Variants in PDZRN3 observed in about 807,000 individuals in gnomAD.
PDZRN3 encodes E3 ubiquitin-protein ligase PDZRN3.
Under a neutral mutation model 85.7 loss-of-function variants are expected in PDZRN3, and 38 were observed. The ratio of observed to expected loss-of-function variants is 0.44; its 90% CI spans 0.34 to 0.58. PDZRN3 has a LOEUF of 0.58. Among genes scored for constraint, PDZRN3 ranks in the 20% least tolerant of loss-of-function variants. The probability of loss-of-function intolerance (pLI) is 0.01; values close to 1 mark genes in which losing one functional copy is unlikely to be tolerated. For missense variants in PDZRN3, 1,629 were observed against 1,506.4 expected (o/e 1.08, Z -1.35); for synonymous variants, 759 against 638.0 (o/e 1.19, Z -2.86).
chr3:73,481,652 A>G (rs1435417968), intron 3 of PDZRN3, among the ~76,000 whole-genome samples: 1 of 152,220 alleles, frequency 6.6e-6, no homozygotes, highest in South Asian at 2.1e-4. Flanking sequence ...TCTATCTCCT[A>G]TAAGACTGAA....
chr3:73,587,431 T>C (rs920904513), intron 3 of PDZRN3, among the ~76,000 whole-genome samples: 2 of 152,222 alleles, frequency 1.3e-5, no homozygotes, highest in Non-Finnish European at 2.9e-5. Flanking sequence ...GTTTGAGTCA[T>C]ACTTACATCT....
intron 3 of PDZRN3, among the ~76,000 whole-genome samples, chr3:73,406,660 G>A (rs1701860547): frequency 6.6e-6 from 1 of 152,190 alleles, no homozygotes; most frequent in East Asian, 1.9e-4. Flanking sequence ...TTTCGAGTGG[G>A]TGCTACAAGA....
chr3:73,385,625 A>G (rs1701361891), intron 9 of PDZRN3, 44 bp downstream of exon 9: 3 of 1,193,826 alleles, frequency 2.5e-6, no homozygotes, highest in Admixed American at 1.7e-5. Context: ...ATTTTCCTCC[A>G]GCTCAGCAGG....
intron 5 of PDZRN3, among the ~76,000 whole-genome samples, chr3:73,398,219 G>T (rs572559955): frequency 1.3e-5 from 2 of 152,324 alleles, no homozygotes; most frequent in Non-Finnish European, 2.9e-5. Context: ...GAGGGGCTCA[G>T]TCGTTCCTAG....
intron 3 of PDZRN3, among the ~76,000 whole-genome samples, chr3:73,578,239 A>G (rs1396947656): frequency 2.8e-5 from 4 of 145,204 alleles, no homozygotes; most frequent in Non-Finnish European, 4.5e-5. Context: ...GCACGATCTC[A>G]GCTCACTACA....
chr3:73,418,074 A>C (rs914748363), intron 3 of PDZRN3, among the ~76,000 whole-genome samples: 1 of 152,252 alleles, frequency 6.6e-6, no homozygotes, highest in African/African-American at 2.4e-5. Flanking sequence ...AATAATAATG[A>C]CATCCTAAGA....
chr3:73,614,930 C>G (rs1295527702), intron 1 of PDZRN3, among the ~76,000 whole-genome samples: 1 of 152,094 alleles, frequency 6.6e-6, no homozygotes, highest in Non-Finnish European at 1.5e-5. Flanking sequence ...TAAGAGGAAA[C>G]TGTTCCAAAG....
chr3:73,609,846 A>G (rs1337862239), intron 1 of PDZRN3, among the ~76,000 whole-genome samples: 1 of 152,222 alleles, frequency 6.6e-6, no homozygotes, highest in African/African-American at 2.4e-5. Context: ...GGCAAAGGAA[A>G]GTACTGTTTC....
rs190045508 is a variant in PDZRN3 at position 73,490,244 on chromosome 3, T to C, written c.919-85849A>G. Among the ~76,000 whole-genome samples the C allele has an allele frequency of 4.6e-5, 7 of 152,328 alleles. No homozygotes were observed. In the East Asian group the frequency reaches 5.8e-4, roughly 13 times the overall value. ...CCTTGGGCTTAAAGGGAGCACCCCATACAGAATGCTTGCTTGGCTGAAGTT... is the reference window on the plus strand; with the variant it reads ...CCTTGGGCTTAAAGGGAGCACCCCACACAGAATGCTTGCTTGGCTGAAGTT... On this transcript the variant is annotated intron_variant, in intron 3 of 9. Transcript: ENST00000263666.
intron 5 of PDZRN3, among the ~76,000 whole-genome samples, chr3:73,394,517 GTGGTCTGTGTTATCAAAGGAT>G (rs1303710143): frequency 3.9e-5 from 6 of 152,302 alleles, no homozygotes; most frequent in African/African-American, 1.4e-4. Context: ...TATCTTAGAA[GTGGTCTGTGTTATCAAAGGAT>G]GAGTGATATT....
In PDZRN3 at chr3:73,624,937, G is replaced by C; in HGVS notation, c.-112C>G. On this transcript the variant is annotated 5_prime_UTR_variant, in exon 1 of 10. Transcript: ENST00000263666. ...GCCCGCGCGCTCGCTGGCTCTCCCCGGACTGAGCCTAATTGATCCAGACTT... is the reference window on the plus strand; with the variant it reads ...GCCCGCGCGCTCGCTGGCTCTCCCCCGACTGAGCCTAATTGATCCAGACTT... The C allele has an allele frequency of 1.3e-6, 1 of 798,532 alleles. No homozygotes were observed. The allele number at this position is 798,532 out of a possible 1,614,324, so 49.5% of individuals were successfully genotyped here. A position where few individuals can be genotyped will look rare whatever the true frequency, so the allele number is the denominator to read the frequency against.
chr3:73,453,101 G>A (rs1409827623), intron 3 of PDZRN3, among the ~76,000 whole-genome samples: 2 of 152,088 alleles, frequency 1.3e-5, no homozygotes, highest in Non-Finnish European at 2.9e-5. Flanking sequence ...CTTTCCAGCA[G>A]TCAGGCTAGA....
At chr3:73,573,811 C>CATATACATATACA (rs1702078393) in intron 3 of PDZRN3, among the ~76,000 whole-genome samples, 3 of 149,244 alleles carry the variant, frequency 2.0e-5, no homozygotes, top group African/African-American at 7.5e-5. Flanking sequence ...ACACATACAC[C>CATATACATATACA]TATACATATA....
intron 3 of PDZRN3, chr3:73,569,397 C>G: frequency 8.4e-7 from 1 of 1,192,540 alleles, no homozygotes; most frequent in East Asian, 5.9e-5. Flanking sequence ...TGCCGCATAC[C>G]TGTACAAGAG....
intron 3 of PDZRN3, among the ~76,000 whole-genome samples, chr3:73,519,006 G>A (rs1319786804): frequency 6.6e-6 from 1 of 152,196 alleles, no homozygotes; most frequent in Admixed American, 6.5e-5. Flanking sequence ...GGTGCAGAGG[G>A]CAGAATGTGC....
At chr3:73,388,781 G>A (rs544131404) in intron 7 of PDZRN3, among the ~76,000 whole-genome samples, 2 of 152,032 alleles carry the variant, frequency 1.3e-5, no homozygotes, top group South Asian at 4.2e-4. Flanking sequence ...CTATTGGTTG[G>A]AGTGATTGCC....
At position 73,498,209 on chromosome 3, in the gene PDZRN3, T is replaced by C. The variant is rs1016243928; in HGVS notation, c.919-93814A>G. Among the ~76,000 whole-genome samples, 40 of 152,188 alleles carry C rather than the reference T, an allele frequency of 2.6e-4. 1 individual carries two copies. Among genetic ancestry groups the C allele is most frequent in the Admixed American group, 2.6e-3 (40 of 15,286 alleles). On this transcript the variant is annotated intron_variant, in intron 3 of 9. Transcript: ENST00000263666. The stretch of plus-strand genomic sequence containing the variant: ...GAAAATACTTCCCAGACCCATCCCA[T>C]TTTCTCCATCCTCCTGACTTGAGTT...
At chr3:73,613,464 G>A (rs1308031406) in intron 1 of PDZRN3, among the ~76,000 whole-genome samples, 11 of 152,178 alleles carry the variant, frequency 7.2e-5, no homozygotes, top group Admixed American at 6.5e-4. Flanking sequence ...GGTGGAGACA[G>A]AAACGAGCTG....
chr3:73,384,356 C>T lies in PDZRN3; in HGVS notation c.2210G>A (p.Arg737Lys), dbSNP rs147152211. The change falls in exon 10 of 10, where the codon AGA (arginine) becomes AAA (lysine). Residue 737 changes from arginine (R) to lysine (K), a missense_variant. Arg to Lys is a conservative substitution (Grantham distance 26). Coordinates refer to ENST00000263666, the MANE Select transcript of PDZRN3 (RefSeq NM_015009.3). ...CTCGGTGATATCTGAGAGCTCGTGT[C>T]TGCGCACGTCGATGCTGGTGTTGTA... ...RNYNTSIDVRRHELSDITELP... is the reference protein window; with the variant it reads ...RNYNTSIDVRKHELSDITELP... The T allele has an allele frequency of 3.1e-6, 5 of 1,609,776 alleles. No homozygotes were observed. Among genetic ancestry groups the T allele is most frequent in the Non-Finnish European group, 4.2e-6 (5 of 1,179,968 alleles).
Sources: gnomAD v4.1 joint callset for allele counts (sites outside exome capture counted in the v4.1 genomes callset) on GRCh38, gnomAD v4.1.1 for gene constraint, MANE v1.5 for transcripts, NCBI Gene and HGNC (gene_info 2026-07-23, HGNC 2026-07-21) for gene names.